Variants in SEMA4D observed in about 807,000 individuals in gnomAD.
SEMA4D encodes semaphorin 4D.
In SEMA4D, 22 loss-of-function variants were observed where a neutral mutation model predicts 74.8. That is an observed-to-expected ratio of 0.29 (90% confidence interval 0.21 to 0.42). The LOEUF is 0.42. Among genes scored for constraint, SEMA4D ranks in the 10% least tolerant of loss-of-function variants. The probability of loss-of-function intolerance (pLI) is 1.00; values close to 1 mark genes in which losing one functional copy is unlikely to be tolerated. For missense variants in SEMA4D, 937 were observed against 1,118.4 expected, an observed-to-expected ratio of 0.84 and a Z score of 2.31; for synonymous variants, 445 against 463.7, an observed-to-expected ratio of 0.96 and a Z score of 0.52.
chr9:89,385,868 C>T, intron 13 of SEMA4D: 7 of 141,714 alleles, frequency 4.9e-5, no homozygotes, highest in Non-Finnish European at 9.1e-5. Flanking sequence ...GCGTGGATGC[C>T]CGCCCACCCA....
chr9:89,443,977 G>A (rs1852252171), intron 2 of SEMA4D, among the ~76,000 whole-genome samples: 1 of 152,186 alleles, frequency 6.6e-6, no homozygotes, highest in South Asian at 2.1e-4. Flanking sequence ...TCACCCCACT[G>A]CATGCCCATG....
chr9:89,411,696 G>A (rs1844559389), intron 2 of SEMA4D, among the ~76,000 whole-genome samples: 1 of 152,176 alleles, frequency 6.6e-6, no homozygotes, highest in African/African-American at 2.4e-5. Context: ...ACAGCCTGGG[G>A]AAAGCAGCCC....
intron 3 of SEMA4D, among the ~76,000 whole-genome samples, chr9:89,403,810 C>A (rs893219789): frequency 6.6e-6 from 1 of 152,088 alleles, no homozygotes; most frequent in Non-Finnish European, 1.5e-5. Flanking sequence ...GCGCCTGTAA[C>A]CCCAGCACTT....
downstream of SEMA4D, among the ~76,000 whole-genome samples, chr9:89,375,156 G>A (rs79898853): frequency 0.034 from 5,235 of 152,214 alleles, 143 homozygotes; most frequent in East Asian, 0.13. Context: ...ATAGAGACCC[G>A]CCCGCTTCCC....
chr9:89,389,112 C>G (rs1839231368), intron 9 of SEMA4D, 65 bp from the exon 10 acceptor site: 5 of 1,546,794 alleles, frequency 3.2e-6, no homozygotes, highest in Non-Finnish European at 8.9e-7. Flanking sequence ...GCACTAAGGT[C>G]AGAGGTGCAC....
chr9:89,492,206 C>T lies in SEMA4D; in HGVS notation c.-310+5713G>A, dbSNP rs1252199252. On this transcript the variant is annotated intron_variant, in intron 1 of 15. Coordinates refer to ENST00000422704, the MANE Select transcript of SEMA4D (RefSeq NM_001371194.2). This position sits in a 1 kb window ranked among gnomAD's most constrained non-coding sequence, Gnocchi z 4.3. ...CCATCCCAGACCACATGGATAAACC[C>T]CAGGTTGTCTTCGGTTCTCACCTTC... 6.6e-6 allele frequency among the ~76,000 whole-genome samples: 1 copy of T among 152,166 alleles called. No homozygotes were observed. Among genetic ancestry groups the T allele is most frequent in the Non-Finnish European group, 1.5e-5 (1 of 68,036 alleles).
chr9:89,474,474 A>G (rs1861271725), intron 1 of SEMA4D, among the ~76,000 whole-genome samples: 1 of 152,198 alleles, frequency 6.6e-6, no homozygotes, highest in Admixed American at 6.5e-5. Flanking sequence ...GCAGCAACTA[A>G]ATAGCCTGCG....
chr9:89,370,891 T>C (rs1834517292), intron 16 of SEMA4D, among the ~76,000 whole-genome samples: 1 of 130,842 alleles, frequency 7.6e-6, no homozygotes, highest in Non-Finnish European at 1.6e-5. Context: ...GTGTCTGGGA[T>C]GTGTGGCATG....
chr9:89,398,052 G>A (rs1841381489), intron 5 of SEMA4D, among the ~76,000 whole-genome samples: 1 of 152,236 alleles, frequency 6.6e-6, no homozygotes, highest in Non-Finnish European at 1.5e-5. Context: ...AGGCAGACAG[G>A]GGCAGGTCCC....
chr9:89,476,947 T>C (rs914193441), intron 1 of SEMA4D, among the ~76,000 whole-genome samples: 1 of 152,170 alleles, frequency 6.6e-6, no homozygotes, highest in Non-Finnish European at 1.5e-5. Context: ...CCGACATATC[T>C]GACCCCAGAG....
chr9:89,489,302 G>A (rs1324904472), intron 1 of SEMA4D, among the ~76,000 whole-genome samples: 4 of 152,156 alleles, frequency 2.6e-5, no homozygotes, highest in East Asian at 1.9e-4. Context: ...ATATGTCCAC[G>A]CTAAGATTTG....
At chr9:89,481,338 T>G (rs1824654810) in intron 1 of SEMA4D, among the ~76,000 whole-genome samples, 1 of 152,142 alleles carries the variant, frequency 6.6e-6, no homozygotes, top group South Asian at 2.1e-4. Context: ...GGGCCCCTTC[T>G]CAGAGGAGAG....
intron 2 of SEMA4D, among the ~76,000 whole-genome samples, chr9:89,409,632 A>G (rs764070960): frequency 1.2e-4 from 18 of 152,290 alleles, no homozygotes; most frequent in Non-Finnish European, 2.4e-4. Flanking sequence ...TGCCAGTCAC[A>G]AAAGCAGCCT....
chr9:89,475,922 T>C lies in SEMA4D; in HGVS notation c.-309-19969A>G, dbSNP rs548473647. Among the ~76,000 whole-genome samples the C allele has an allele frequency of 2.6e-4, 40 of 152,312 alleles. No individual in the cohort carries two copies. In the South Asian group the frequency reaches 3.9e-3, roughly 15 times the overall value. Reference sequence around the variant, plus strand: ...AGCATGTCCAAGCCATGTCACATTTTGAAGGAAAATGAAGCAGTTTTTGGA... The same window carrying C: ...AGCATGTCCAAGCCATGTCACATTTCGAAGGAAAATGAAGCAGTTTTTGGA... On this transcript the variant is annotated intron_variant, in intron 1 of 15. Coordinates refer to ENST00000422704, the MANE Select transcript of SEMA4D (RefSeq NM_001371194.2).
intron 2 of SEMA4D, among the ~76,000 whole-genome samples, chr9:89,419,279 T>A (rs1046950262): frequency 3.9e-5 from 6 of 152,240 alleles, no homozygotes; most frequent in African/African-American, 1.4e-4. Flanking sequence ...TACGGCCAAT[T>A]TTATAAGCAA....
chr9:89,385,681 G>T (rs1838280196), intron 13 of SEMA4D: 1 of 624,724 alleles, frequency 1.6e-6, no homozygotes, highest in Non-Finnish European at 2.0e-6. Context: ...ACCTGGAGGG[G>T]TGTTTGCAAA....
Position 89,392,460 on chromosome 9 carries a change from A to G in SEMA4D, c.585T>C (p.Ser195=). ...EPIISRNSSH[S]PLRTEYAIPW... ...GGATTGCATATTCTGTCCTCAGAGG[A>G]CTGTGGGAAGAATTTCGGGAGATGA... Residue 195 remains serine, a synonymous_variant, in exon 8 of 16, where the codon AGT becomes AGC. Coordinates refer to ENST00000422704, the MANE Select transcript of SEMA4D (RefSeq NM_001371194.2). The G allele has an allele frequency of 6.2e-7, 1 of 1,613,804 alleles. No individual in the cohort carries two copies. The highest frequency in any genetic ancestry group is 8.5e-7 in the Non-Finnish European group (1 of 1,179,732).
intron 1 of SEMA4D, among the ~76,000 whole-genome samples, chr9:89,496,860 G>A (rs956735028): frequency 2.0e-5 from 3 of 152,210 alleles, no homozygotes; most frequent in Non-Finnish European, 4.4e-5. Flanking sequence ...TCCGTTCCGT[G>A]GCGCCTGGTG....
intron 4 of SEMA4D, among the ~76,000 whole-genome samples, chr9:89,400,917 C>T (rs961272608): frequency 6.6e-6 from 1 of 152,192 alleles, no homozygotes; most frequent in East Asian, 1.9e-4. Flanking sequence ...GTCCACAATT[C>T]CCCCAAGACC....
Sources: allele counts gnomAD v4.1 joint callset (sites outside exome capture counted in the v4.1 genomes callset), GRCh38; gene constraint gnomAD v4.1.1; non-coding constraint Gnocchi (gnomAD v3.1); transcripts MANE v1.5; gene names NCBI Gene and HGNC (gene_info 2026-07-23, HGNC 2026-07-21).